The following ATRNL1 variants were observed in gnomAD, a reference collection of about 807,000 sequenced individuals.
ATRNL1 encodes attractin-like protein 1.
ATRNL1 carries 95 observed loss-of-function variants against 182.7 expected under a neutral mutation model. That is an observed-to-expected ratio of 0.52 (90% CI 0.44 to 0.62). The LOEUF (loss-of-function observed/expected upper bound fraction) is 0.62, where lower values mean the gene tolerates loss of function less well. Among genes scored for constraint, ATRNL1 ranks in the 20% least tolerant of loss-of-function variants. ATRNL1 has a pLI of 0.00. For synonymous variants in ATRNL1, 576 were observed against 568.3 expected (o/e 1.01, Z -0.19); for missense variants, 1,471 against 1,679.5 (o/e 0.88, Z 2.17).
intron 26 of ATRNL1, among the ~76,000 whole-genome samples, chr10:115,565,433 G>A (rs571990484): frequency 6.6e-6 from 1 of 151,898 alleles, no homozygotes; most frequent in Non-Finnish European, 1.5e-5. Flanking sequence ...TGCTTTTTAT[G>A]TTGGTGTAGA....
intron 20 of ATRNL1, among the ~76,000 whole-genome samples, chr10:115,412,001 A>C (rs1845163789): frequency 6.6e-6 from 1 of 152,180 alleles, no homozygotes. Flanking sequence ...GAGTGTGGGC[A>C]GGACCTGTGC....
chr10:115,663,005 T>C (rs1376599271), intron 26 of ATRNL1, among the ~76,000 whole-genome samples: 4 of 152,146 alleles, frequency 2.6e-5, no homozygotes, highest in Non-Finnish European at 4.4e-5. Flanking sequence ...TGAAGAAATA[T>C]GTACTGTTAT....
At chr10:115,811,350 C>CT (rs1179995450) in intron 27 of ATRNL1, among the ~76,000 whole-genome samples, 1 of 151,486 alleles carries the variant, frequency 6.6e-6, no homozygotes, top group Non-Finnish European at 1.5e-5. Context: ...TGGTTTTTAT[C>CT]TTTTTTAATT....
intron 28 of ATRNL1, among the ~76,000 whole-genome samples, chr10:115,894,112 C>T (rs1318954985): frequency 6.6e-6 from 1 of 152,158 alleles, no homozygotes; most frequent in Non-Finnish European, 1.5e-5. Context: ...GTGTCTTCAA[C>T]ATAACTGACA....
At chr10:115,234,888 T>G (rs1554900979) in intron 9 of ATRNL1, among the ~76,000 whole-genome samples, 1 of 152,206 alleles carries the variant, frequency 6.6e-6, no homozygotes, top group Non-Finnish European at 1.5e-5. Flanking sequence ...ATTTGATTTC[T>G]TAATAAGTTT....
At chr10:115,576,857 T>C (rs1854744011) in intron 26 of ATRNL1, among the ~76,000 whole-genome samples, 1 of 152,010 alleles carries the variant, frequency 6.6e-6, no homozygotes. Flanking sequence ...TAAGAGTTTT[T>C]CAGTTTGAGG....
intron 9 of ATRNL1, among the ~76,000 whole-genome samples, chr10:115,220,734 G>GT: frequency 1.1e-5 from 1 of 91,874 alleles, no homozygotes; most frequent in South Asian, 6.1e-4. Flanking sequence ...TGGGGGGGGG[G>GT]GGGCGGGGTC....
intron 1 of ATRNL1, among the ~76,000 whole-genome samples, chr10:115,108,119 G>A (rs1413007958): frequency 6.6e-6 from 1 of 152,130 alleles, no homozygotes; most frequent in African/African-American, 2.4e-5. Flanking sequence ...TACAAACTGT[G>A]ACTTTTCCAA....
intron 19 of ATRNL1, among the ~76,000 whole-genome samples, chr10:115,344,146 C>G (rs1554939085): frequency 6.6e-6 from 1 of 152,090 alleles, no homozygotes; most frequent in Non-Finnish European, 1.5e-5. Context: ...TGCCTGTGTT[C>G]GCCTAAAGTC....
In ATRNL1 at chr10:115,947,163, G is replaced by A. The variant is rs1953893326; in HGVS notation, c.*2384G>A. 6.6e-6 allele frequency: 1 copy of A among 152,612 alleles called. No individual in the cohort carries two copies. The highest frequency in any genetic ancestry group is 2.4e-5 in the African/African-American group (1 of 41,468). 9.5% of individuals were successfully genotyped at this position (152,612 alleles called of 1,614,324 possible). On this transcript the variant is annotated 3_prime_UTR_variant, in exon 29 of 29. Transcript: ENST00000355044. The stretch of plus-strand genomic sequence containing the variant: ...AGTAAATTCTTTGCCCTCAGGTGAA[G>A]TGGATTGAAAAGACATCAAGGATCA...
intron 20 of ATRNL1, among the ~76,000 whole-genome samples, chr10:115,408,692 A>G (rs1427764129): frequency 6.7e-6 from 1 of 150,226 alleles, no homozygotes; most frequent in African/African-American, 2.4e-5. Flanking sequence ...TAGTAGTTTT[A>G]TTGTTTCTGG....
At chr10:115,916,490 GTGAACT>G (rs782765731) in intron 28 of ATRNL1, among the ~76,000 whole-genome samples, 40 of 152,314 alleles carry the variant, frequency 2.6e-4, no homozygotes, top group Non-Finnish European at 5.0e-4. Context: ...CTTAAAGCAA[GTGAACT>G]TGCACAGACA....
chr10:115,706,852 A>G (rs551877043), intron 26 of ATRNL1, among the ~76,000 whole-genome samples: 8 of 151,988 alleles, frequency 5.3e-5, no homozygotes, highest in African/African-American at 1.9e-4. Flanking sequence ...TATTAATTTG[A>G]GCTACTTTAA....
At chr10:115,598,527 C>T (rs1337508723) in intron 26 of ATRNL1, among the ~76,000 whole-genome samples, 3 of 151,568 alleles carry the variant, frequency 2.0e-5, no homozygotes, top group African/African-American at 7.3e-5. Flanking sequence ...CCACGCCTGG[C>T]TAATTTTTGC....
intron 19 of ATRNL1, among the ~76,000 whole-genome samples, chr10:115,393,372 C>A (rs1844125824): frequency 6.6e-6 from 1 of 152,006 alleles, no homozygotes; most frequent in African/African-American, 2.4e-5. Flanking sequence ...TTTATTAATT[C>A]ATTAACATAT....
At chr10:115,166,585 TG>T (rs1554884408) in intron 7 of ATRNL1, among the ~76,000 whole-genome samples, 3 of 152,064 alleles carry the variant, frequency 2.0e-5, no homozygotes, top group Non-Finnish European at 4.4e-5. Flanking sequence ...TTTCTGTTTT[TG>T]TTTTTTTGAT....
Position 115,496,436 on chromosome 10 carries a change from G to A in ATRNL1, c.3655-22827G>A, listed in dbSNP as rs557890774. On this transcript the variant is annotated intron_variant, in intron 24 of 28. Transcript: ENST00000355044. ...ATCTTATTTTCCCTTCACTTATGAA[G>A]CTTATGAAGGAATATTTGGTTTAAT... is the stretch of plus-strand genomic sequence containing the variant. Among the ~76,000 whole-genome samples, 3 of 152,168 alleles carry A rather than the reference G, an allele frequency of 2.0e-5. No individual in the cohort carries two copies. In the South Asian group the frequency reaches 6.2e-4, roughly 32 times the overall value.
At chr10:115,924,377 T>C (rs1458537127) in intron 28 of ATRNL1, among the ~76,000 whole-genome samples, 1 of 152,256 alleles carries the variant, frequency 6.6e-6, no homozygotes, top group East Asian at 1.9e-4. Flanking sequence ...TTTTAATGGA[T>C]TGGGGTTTTA....
chr10:115,145,421 C>T, intron 5 of ATRNL1, among the ~76,000 whole-genome samples: 1 of 151,868 alleles, frequency 6.6e-6, no homozygotes, highest in East Asian at 1.9e-4. Context: ...GCATCATTGA[C>T]CGAAACTGTA....
Sources: gnomAD v4.1 joint callset for allele counts (sites outside exome capture counted in the v4.1 genomes callset) on GRCh38, gnomAD v4.1.1 for gene constraint, MANE v1.5 for transcripts, NCBI Gene and HGNC (gene_info 2026-07-23, HGNC 2026-07-21) for gene names.